The following FHOD3 variants were observed in gnomAD, a reference collection of about 807,000 sequenced individuals.
The protein encoded by FHOD3 is formin homology 2 domain containing 3.
Under a neutral mutation model 173.0 loss-of-function variants are expected in FHOD3, and 90 were observed. The observed-to-expected ratio is 0.52, with a 90% CI of 0.44 to 0.62. The LOEUF (loss-of-function observed/expected upper bound fraction) is 0.62, where lower values mean the gene tolerates loss of function less well. FHOD3 is among the 20% of genes least tolerant of loss of function. FHOD3 has a pLI of 0.00. For missense variants in FHOD3, 1,945 were observed against 2,034.7 expected (o/e 0.96, Z 0.85); for synonymous variants, 828 against 823.0 (o/e 1.01, Z -0.10).
At chr18:36,430,696 G>T (rs1357851549) in intron 3 of FHOD3, among the ~76,000 whole-genome samples, 1 of 152,194 alleles carries the variant, frequency 6.6e-6, no homozygotes. Context: ...GGGTTAGCTA[G>T]GAGTGAGTAT....
In FHOD3 at chr18:36,314,702, G is replaced by A. The variant is rs562658465; in HGVS notation, c.165+16702G>A. 2.6e-5 allele frequency among the ~76,000 whole-genome samples: 4 copies of A among 152,252 alleles called. No individual in the cohort carries two copies. In the East Asian group the frequency reaches 7.7e-4, roughly 29 times the overall value. On this transcript the variant is annotated intron_variant, in intron 1 of 28. Transcript: ENST00000590592. ...GCCCTCCAAGGAGCCCCCTCATCAG[G>A]GCATCTTATACTTTCAATGCGTGCA...
chr18:36,356,336 A>G (rs751399391), intron 2 of FHOD3, among the ~76,000 whole-genome samples: 13 of 152,214 alleles, frequency 8.5e-5, no homozygotes, highest in South Asian at 2.1e-4. Flanking sequence ...ATAAAGAAAT[A>G]CTGTGAGTCT....
At chr18:36,347,413 C>T (rs888198280) in intron 1 of FHOD3, among the ~76,000 whole-genome samples, 1 of 152,172 alleles carries the variant, frequency 6.6e-6, no homozygotes, top group Non-Finnish European at 1.5e-5. Context: ...GATAGAGGCT[C>T]TTGCCTTTGG....
chr18:36,542,770 T>A (rs888473701), intron 5 of FHOD3, among the ~76,000 whole-genome samples: 1 of 152,214 alleles, frequency 6.6e-6, no homozygotes, highest in African/African-American at 2.4e-5. Flanking sequence ...AGTGTCTGAC[T>A]TGCTGGGACA....
chr18:36,320,665 G>T (rs1317399489), intron 1 of FHOD3, among the ~76,000 whole-genome samples: 1 of 152,182 alleles, frequency 6.6e-6, no homozygotes, highest in African/African-American at 2.4e-5. Flanking sequence ...CCAAAGCCTG[G>T]CAGGGGCTTC....
Position 36,409,270 on chromosome 18 carries a change from G to A in FHOD3, c.337+36526G>A, listed in dbSNP as rs867323503. Among the ~76,000 whole-genome samples the A allele has an allele frequency of 1.1e-4, 16 of 152,302 alleles. No homozygotes were observed. The Middle Eastern group carries it at 0.017, about 162-fold the overall frequency. On this transcript the variant is annotated intron_variant, in intron 3 of 28. Transcript: ENST00000590592. ...AGCTGCTGGTCTGAAGCATGCAGGC[G>A]TGATATCCATGTAGAGAAAAGAAAC... is the stretch of plus-strand genomic sequence containing the variant.
At chr18:36,749,996 G>A (rs2042334100) in intron 24 of FHOD3, among the ~76,000 whole-genome samples, 2 of 151,630 alleles carry the variant, frequency 1.3e-5, no homozygotes, top group Non-Finnish European at 2.9e-5. Context: ...CTTTTAAAAA[G>A]TGTCTGTTCG....
At chr18:36,442,772 T>C (rs942547216) in intron 3 of FHOD3, among the ~76,000 whole-genome samples, 8 of 152,330 alleles carry the variant, frequency 5.3e-5, no homozygotes, top group Admixed American at 4.6e-4. Context: ...AGAGACTTTA[T>C]TCAAATTTTG....
At chr18:36,575,421 A>G (rs900314665) in intron 5 of FHOD3, among the ~76,000 whole-genome samples, 3 of 152,240 alleles carry the variant, frequency 2.0e-5, no homozygotes, top group African/African-American at 7.2e-5. Flanking sequence ...CCTACAACCC[A>G]CATATAAACT....
At chr18:36,584,368 T>C (rs1427317466) in intron 6 of FHOD3, among the ~76,000 whole-genome samples, 1 of 152,220 alleles carries the variant, frequency 6.6e-6, no homozygotes, top group African/African-American at 2.4e-5. Flanking sequence ...TCGACATCTT[T>C]CCAGCTGGAA....
intron 10 of FHOD3, among the ~76,000 whole-genome samples, chr18:36,645,335 A>G (rs1432290700): frequency 6.6e-6 from 1 of 152,158 alleles, no homozygotes; most frequent in East Asian, 1.9e-4. Flanking sequence ...CACGAGAATC[A>G]CTTGAACTCA....
chr18:36,770,884 C>T (rs909846301), intron 28 of FHOD3, among the ~76,000 whole-genome samples: 3 of 152,170 alleles, frequency 2.0e-5, no homozygotes, highest in African/African-American at 7.2e-5. Context: ...TGGGCTCTCT[C>T]TTTATTGTAT....
chr18:36,770,281 T>G (rs1204020313), intron 28 of FHOD3, among the ~76,000 whole-genome samples: 1 of 152,192 alleles, frequency 6.6e-6, no homozygotes, highest in Admixed American at 6.5e-5. Flanking sequence ...CTTCCTCCTG[T>G]TTTCTCCCAA....
chr18:36,665,623 G>C (rs116808360), intron 14 of FHOD3, among the ~76,000 whole-genome samples: 2 of 152,152 alleles, frequency 1.3e-5, no homozygotes, highest in Non-Finnish European at 2.9e-5. Flanking sequence ...AAAATGGAGC[G>C]AGTCCATATC....
chr18:36,566,981 T>C (rs1322741067), intron 5 of FHOD3, among the ~76,000 whole-genome samples: 1 of 152,172 alleles, frequency 6.6e-6, no homozygotes, highest in Non-Finnish European at 1.5e-5. Context: ...GCATTACTGG[T>C]CTTATTAGAT....
At chr18:36,397,117 A>G (rs1290009442) in intron 3 of FHOD3, among the ~76,000 whole-genome samples, 1 of 152,170 alleles carries the variant, frequency 6.6e-6, no homozygotes, top group East Asian at 1.9e-4. Flanking sequence ...ATTGCTACAG[A>G]TCTTTTAGTC....
chr18:36,618,405 C>T (rs557851397), intron 9 of FHOD3, among the ~76,000 whole-genome samples: 24 of 150,020 alleles, frequency 1.6e-4, no homozygotes, highest in Admixed American at 4.0e-4. Context: ...CTCCGCCTCC[C>T]GGGTTCAAGT....
At chr18:36,595,796 C>T (rs2030250673) in intron 7 of FHOD3, among the ~76,000 whole-genome samples, 1 of 152,194 alleles carries the variant, frequency 6.6e-6, no homozygotes, top group Admixed American at 6.5e-5. Context: ...TGATTTTTCT[C>T]CTTTTGTCTT....
In FHOD3 at chr18:36,649,295, CT is replaced by C. The variant is rs913612356; in HGVS notation, c.1197-17del. The C allele has an allele frequency of 2.1e-5, 32 of 1,529,346 alleles. No homozygotes were observed. The African/African-American group carries it at 4.0e-4, about 19-fold the overall frequency. The allele number at this position is 1,529,346 out of a possible 1,614,324, so 94.7% of individuals were successfully genotyped here. A position where few individuals can be genotyped will look rare whatever the true frequency, so the allele number is the denominator to read the frequency against. ...TTCCATGTTGTCTGTGTGCATTTCT[CT>C]TTTCCTGGCTTTGTCTCAGGGAGGA... On this transcript the variant is annotated intron_variant, in intron 10 of 28. Coordinates refer to ENST00000590592, the MANE Select transcript of FHOD3 (RefSeq NM_001281740.3).
Sources: allele counts gnomAD v4.1 joint callset (sites outside exome capture counted in the v4.1 genomes callset), GRCh38; gene constraint gnomAD v4.1.1; transcripts MANE v1.5; gene names NCBI Gene and HGNC (gene_info 2026-07-23, HGNC 2026-07-21).